The following TRIQK variants were observed in gnomAD, a reference collection of about 807,000 sequenced individuals.
TRIQK encodes the protein triple QxxK/R motif-containing protein.
Under a neutral mutation model 10.8 loss-of-function variants are expected in TRIQK, and 10 were observed. The observed-to-expected ratio is 0.92, with a 90% CI of 0.57 to 1.57. The LOEUF is 1.57. Among genes scored for constraint, TRIQK ranks in the 40% most tolerant of loss-of-function variants. The pLI is 0.00. For missense variants in TRIQK, 107 were observed against 97.7 expected (o/e 1.09, Z -0.40); for synonymous variants, 33 against 33.7 (o/e 0.98, Z 0.07).
intron 1 of TRIQK, chr8:92,964,888 G>A (rs1812655672): frequency 1.3e-5 from 2 of 152,166 alleles, no homozygotes. Context: ...TTCCTGACTT[G>A]TAGGCCAATG....
intron 1 of TRIQK, among the ~76,000 whole-genome samples, chr8:93,013,610 C>T (rs1813357568): frequency 6.6e-6 from 1 of 152,080 alleles, no homozygotes; most frequent in South Asian, 2.1e-4. Flanking sequence ...GAAATAGAAG[C>T]ATCCCTCAAA....
At chr8:92,944,289 A>G (rs887058633) in intron 2 of TRIQK, among the ~76,000 whole-genome samples, 3 of 138,916 alleles carry the variant, frequency 2.2e-5, no homozygotes, top group Non-Finnish European at 4.7e-5. Context: ...TATGGAAGAG[A>G]GTATGAAGGT....
intron 2 of TRIQK, among the ~76,000 whole-genome samples, chr8:92,937,489 T>C (rs1811049952): frequency 6.6e-6 from 1 of 151,828 alleles, no homozygotes; most frequent in Admixed American, 6.6e-5. Context: ...ATTAAGATCA[T>C]TTTATTTAAT....
chr8:92,964,870 A>G (rs890613041), intron 1 of TRIQK: 1 of 152,186 alleles, frequency 6.6e-6, no homozygotes, highest in Non-Finnish European at 1.5e-5. Flanking sequence ...TTTCTTAACC[A>G]TGCCAGTTTC....
At chr8:92,931,884 C>T (rs565227281) in intron 2 of TRIQK, among the ~76,000 whole-genome samples, 1 of 152,246 alleles carries the variant, frequency 6.6e-6, no homozygotes, top group East Asian at 1.9e-4. Flanking sequence ...GTTGCGGTAC[C>T]AGGAAAGAAT....
At chr8:92,909,948 A>T (rs1345062969) in intron 3 of TRIQK, among the ~76,000 whole-genome samples, 1 of 151,574 alleles carries the variant, frequency 6.6e-6, no homozygotes, top group East Asian at 1.9e-4. Flanking sequence ...AAACAACGAC[A>T]TGTTTCAGTA....
intron 3 of TRIQK, among the ~76,000 whole-genome samples, chr8:92,892,993 TCTGG>T (rs1816837944): frequency 6.6e-6 from 1 of 151,998 alleles, no homozygotes; most frequent in Non-Finnish European, 1.5e-5. Context: ...GTATAATCTC[TCTGG>T]CTATTTTATA....
chr8:92,900,110 C>G (rs1025205588), intron 3 of TRIQK, among the ~76,000 whole-genome samples: 2 of 152,034 alleles, frequency 1.3e-5, no homozygotes, highest in Non-Finnish European at 2.9e-5. Flanking sequence ...TAAATTTTTT[C>G]CTATTGGGTT....
intron 1 of TRIQK, chr8:92,974,276 T>C (rs1812907351): frequency 6.6e-6 from 1 of 152,348 alleles, no homozygotes; most frequent in African/African-American, 2.4e-5. Flanking sequence ...CCAGAACTTG[T>C]ATATCATCCA....
chr8:93,015,602 C>T (rs1024602381), intron 1 of TRIQK, among the ~76,000 whole-genome samples: 5 of 151,936 alleles, frequency 3.3e-5, no homozygotes, highest in African/African-American at 1.2e-4. Flanking sequence ...GTTCAGGATG[C>T]TATCTTTCTT....
intron 1 of TRIQK, among the ~76,000 whole-genome samples, chr8:92,989,940 A>G (rs1813080891): frequency 6.6e-6 from 1 of 152,224 alleles, no homozygotes; most frequent in South Asian, 2.1e-4. Context: ...TAAAAGGCAC[A>G]TAACAAGTAG....
intron 3 of TRIQK, among the ~76,000 whole-genome samples, chr8:92,901,220 C>T (rs866280017): frequency 6.6e-6 from 1 of 151,982 alleles, no homozygotes; most frequent in South Asian, 2.1e-4. Context: ...TCTTCCTTTC[C>T]AATTTGGATG....
intron 2 of TRIQK, among the ~76,000 whole-genome samples, chr8:92,920,773 G>A (rs866447029): frequency 1.1e-4 from 17 of 151,688 alleles, no homozygotes; most frequent in African/African-American, 3.6e-4. Context: ...AAATGTGAGG[G>A]AACTATATTT....
intron 1 of TRIQK, among the ~76,000 whole-genome samples, chr8:92,977,371 T>C (rs2130741592): frequency 6.6e-6 from 1 of 152,112 alleles, no homozygotes; most frequent in East Asian, 1.9e-4. Flanking sequence ...TCTTTTTTTC[T>C]CTCTGTATAT....
chr8:92,967,052 GAAT>G (rs1460778838), upstream of TRIQK, among the ~76,000 whole-genome samples: 1 of 144,032 alleles, frequency 6.9e-6, no homozygotes, highest in Admixed American at 7.0e-5. Context: ...AAATCTCACA[GAAT>G]ATTATGGCCA....
chr8:92,905,261 A>G (rs1809192981), intron 3 of TRIQK, among the ~76,000 whole-genome samples: 1 of 152,196 alleles, frequency 6.6e-6, no homozygotes, highest in Non-Finnish European at 1.5e-5. Flanking sequence ...AAATGAATGA[A>G]CTATATCAAC....
intron 1 of TRIQK, among the ~76,000 whole-genome samples, chr8:92,997,312 G>C (rs1173210363): frequency 6.6e-6 from 1 of 151,978 alleles, no homozygotes; most frequent in African/African-American, 2.4e-5. Flanking sequence ...AAATATTATG[G>C]ATCTTGTTGG....
chr8:92,950,203 T>G (rs1811821803), intron 2 of TRIQK, among the ~76,000 whole-genome samples: 2 of 152,140 alleles, frequency 1.3e-5, no homozygotes, highest in South Asian at 4.1e-4. Context: ...AAAGTAAGTT[T>G]TTTATATACA....
chr8:92,905,873 G>A (rs1469802875), intron 3 of TRIQK, among the ~76,000 whole-genome samples: 1 of 152,134 alleles, frequency 6.6e-6, no homozygotes, highest in Non-Finnish European at 1.5e-5. Context: ...ACAACTCCTG[G>A]ATTGCTACCA....
Sources: allele counts gnomAD v4.1 joint callset (sites outside exome capture counted in the v4.1 genomes callset), GRCh38; gene constraint gnomAD v4.1.1; transcripts MANE v1.5; gene names NCBI Gene and HGNC (gene_info 2026-07-23, HGNC 2026-07-21).